The following SCMH1 variants were observed in gnomAD, a reference collection of about 807,000 sequenced individuals.
SCMH1 encodes the protein Scm polycomb group protein homolog 1.
A neutral mutation model predicts 70.8 loss-of-function variants in SCMH1; 37 were observed. The observed-to-expected ratio is 0.52, with a 90% confidence interval of 0.40 to 0.69. The LOEUF is 0.69. Ranked by LOEUF, SCMH1 falls within the 30% of genes least tolerant of loss-of-function variation. The pLI is 0.00. For synonymous variants in SCMH1, 292 were observed against 307.4 expected (o/e 0.95, Z 0.52); for missense variants, 607 against 827.3 (o/e 0.73, Z 3.27).
intron 8 of SCMH1, among the ~76,000 whole-genome samples, chr1:41,095,920 G>A (rs1474879720): frequency 6.6e-6 from 1 of 152,022 alleles, no homozygotes; most frequent in Non-Finnish European, 1.5e-5. Flanking sequence ...TAAAATGATG[G>A]TTATAAAGAT....
intron 2 of SCMH1, among the ~76,000 whole-genome samples, chr1:41,182,093 G>C (rs1009012456): frequency 1.3e-5 from 2 of 152,176 alleles, no homozygotes; most frequent in African/African-American, 2.4e-5. Context: ...ACAAACTATC[G>C]CAAGGACAAA....
chr1:41,185,970 G>T, intron 2 of SCMH1, 151 bp downstream of exon 2: 2 of 716,130 alleles, frequency 2.8e-6, no homozygotes, highest in East Asian at 3.3e-5. Flanking sequence ...CTCCCAATCT[G>T]GAAAATTCAT....
chr1:41,228,196 A>G (rs992405475), intron 1 of SCMH1, among the ~76,000 whole-genome samples: 1 of 152,128 alleles, frequency 6.6e-6, no homozygotes, highest in African/African-American at 2.4e-5. Context: ...GTCTCTCAGA[A>G]CAATTGTTCA....
intron 1 of SCMH1, among the ~76,000 whole-genome samples, chr1:41,213,114 G>A (rs1307168096): frequency 3.9e-5 from 6 of 152,088 alleles, no homozygotes; most frequent in Admixed American, 1.3e-4. Flanking sequence ...GAGGTAAAAA[G>A]CAATGTAAGT....
intron 1 of SCMH1, among the ~76,000 whole-genome samples, chr1:41,241,645 T>C (rs2148968686): frequency 6.6e-6 from 1 of 151,508 alleles, no homozygotes; most frequent in African/African-American, 2.4e-5. Context: ...CGCCCGGCCC[T>C]CGGCCCCCAG....
chr1:41,242,231 G>T (rs1663754419), upstream of SCMH1: 2 of 145,124 alleles, frequency 1.4e-5, no homozygotes, highest in Admixed American at 1.4e-4. This position sits in a 1 kb window ranked among gnomAD's most constrained non-coding sequence, Gnocchi z 5.2. Context: ...GCGGGGGGCG[G>T]GGCGGGGGCT....
intron 1 of SCMH1, among the ~76,000 whole-genome samples, chr1:41,208,501 A>C (rs181382554): frequency 0.013 from 1,960 of 152,296 alleles, 41 homozygotes; most frequent in African/African-American, 0.045. Flanking sequence ...CAGCAAATGT[A>C]AAAGAACAGA....
At chr1:41,028,444 CCTG>C in intron 14 of SCMH1, 125 bp from the exon 16 acceptor site, 1 of 1,505,460 alleles carries the variant, frequency 6.6e-7, no homozygotes, top group Non-Finnish European at 9.1e-7. Context: ...GTCCAGTTCA[CCTG>C]CTGTGATGCT....
At chr1:41,169,553 T>A (rs1646647753) in intron 2 of SCMH1, among the ~76,000 whole-genome samples, 1 of 152,134 alleles carries the variant, frequency 6.6e-6, no homozygotes, top group Non-Finnish European at 1.5e-5. Flanking sequence ...GTTTAGGATA[T>A]AATCCTTTGG....
intron 2 of SCMH1, among the ~76,000 whole-genome samples, chr1:41,180,280 A>C (rs2148592102): frequency 6.6e-6 from 1 of 152,288 alleles, no homozygotes; most frequent in South Asian, 2.1e-4. Context: ...CCAACACTGG[A>C]AGCATTCCCT....
At chr1:41,049,905 A>G (rs968837376) in intron 10 of SCMH1, among the ~76,000 whole-genome samples, 18 of 151,638 alleles carry the variant, frequency 1.2e-4, no homozygotes, top group Non-Finnish European at 1.8e-4. Flanking sequence ...CTCTACAGAA[A>G]ATTTGCTAGG....
intron 5 of SCMH1, among the ~76,000 whole-genome samples, chr1:41,146,445 TACTC>T (rs1021121454): frequency 2.0e-5 from 3 of 152,172 alleles, no homozygotes; most frequent in African/African-American, 4.8e-5. Context: ...GTTCACCACT[TACTC>T]ACTGACTCAC....
intron 1 of SCMH1, among the ~76,000 whole-genome samples, chr1:41,194,055 T>C (rs1030905998): frequency 6.6e-6 from 1 of 152,220 alleles, no homozygotes; most frequent in Non-Finnish European, 1.5e-5. Flanking sequence ...GGCTTTATCT[T>C]ACAGCTATTA....
chr1:41,061,133 C>A (rs1467507002), intron 10 of SCMH1, among the ~76,000 whole-genome samples: 1 of 152,152 alleles, frequency 6.6e-6, no homozygotes, highest in Non-Finnish European at 1.5e-5. Flanking sequence ...GGGCTTGGGA[C>A]AAGCTAACTT....
At chr1:41,098,820 C>G (rs1276054830) in intron 8 of SCMH1, 1 of 153,382 alleles carries the variant, frequency 6.5e-6, no homozygotes, top group African/African-American at 2.4e-5. Context: ...CCTGGCAGCC[C>G]AAGACACTAC....
At chr1:41,126,274 T>C (rs1051227474) in intron 6 of SCMH1, among the ~76,000 whole-genome samples, 1 of 152,218 alleles carries the variant, frequency 6.6e-6, no homozygotes, top group Non-Finnish European at 1.5e-5. Context: ...GAAGGTTCTA[T>C]GTTAAAATTT....
chr1:41,070,626 G>A (rs753488899), exon 10 of SCMH1: 2 of 1,614,148 alleles, frequency 1.2e-6, no homozygotes, highest in Non-Finnish European at 1.7e-6. Flanking sequence ...AGCTGGGGAT[G>A]GTGGCAGCAT....
intron 10 of SCMH1, among the ~76,000 whole-genome samples, chr1:41,051,416 A>G (rs1439671944): frequency 1.3e-5 from 2 of 152,232 alleles, no homozygotes; most frequent in East Asian, 3.8e-4. Flanking sequence ...ACTTATTAAA[A>G]AAGTTAAGTG....
rs548980261 is a variant in SCMH1 at position 41,161,338 on chromosome 1, A to G, written c.82+26T>C. On this transcript the variant is annotated intron_variant, in intron 3 of 14. Transcript: ENST00000337495. ...AAGATGCCGAGTAAAATTTTTCCAC[A>G]CCAAACGGAGTTTTTTCCCCCTTAC... is the stretch of plus-strand genomic sequence containing the variant. 1.2e-5 allele frequency: 18 copies of G among 1,546,936 alleles called. No homozygotes were observed. The African/African-American group carries it at 1.4e-4, about 12-fold the overall frequency.
Sources: allele counts gnomAD v4.1 joint callset (sites outside exome capture counted in the v4.1 genomes callset), GRCh38; gene constraint gnomAD v4.1.1; non-coding constraint Gnocchi (gnomAD v3.1); transcripts MANE v1.5; gene names NCBI Gene and HGNC (gene_info 2026-07-23, HGNC 2026-07-21).